MAGI2: variants seen among roughly 807,000 people sequenced by gnomAD.
The protein encoded by MAGI2 is membrane-associated guanylate kinase, WW and PDZ domain-containing protein 2.
MAGI2 carries 35 observed loss-of-function variants against 133.3 expected under a neutral mutation model. The ratio of observed to expected loss-of-function variants is 0.26; its 90% CI spans 0.20 to 0.35. The LOEUF (loss-of-function observed/expected upper bound fraction) is 0.35, where lower values mean the gene tolerates loss of function less well. Among genes scored for constraint, MAGI2 ranks in the 10% least tolerant of loss-of-function variants. MAGI2 has a pLI of 1.00. For synonymous variants in MAGI2, 729 were observed against 710.6 expected, an observed-to-expected ratio of 1.03 and a Z score of -0.41; for missense variants, 1,636 against 1,863.4, an observed-to-expected ratio of 0.88 and a Z score of 2.25.
At chr7:79,372,335 AG>A (rs149085128) in intron 1 of MAGI2, among the ~76,000 whole-genome samples, 3,227 of 152,264 alleles carry the variant, frequency 0.021, 98 homozygotes, top group African/African-American at 0.075. Context: ...AGGATTTCGC[AG>A]GAAGAGATGT....
At chr7:79,337,015 C>T (rs553274229) in intron 1 of MAGI2, among the ~76,000 whole-genome samples, 2 of 147,728 alleles carry the variant, frequency 1.4e-5, no homozygotes, top group East Asian at 3.9e-4. Context: ...AAAAAACTAA[C>T]TCTGTGAGAT....
At chr7:78,849,627 C>T (rs1792957479) in intron 2 of MAGI2, among the ~76,000 whole-genome samples, 1 of 152,008 alleles carries the variant, frequency 6.6e-6, no homozygotes, top group African/African-American at 2.4e-5. Context: ...AGTTTAAATG[C>T]TGCTGTGCAA....
intron 20 of MAGI2, 85 bp downstream of exon 20, chr7:78,125,609 G>T: frequency 7.0e-7 from 1 of 1,435,258 alleles, no homozygotes; most frequent in South Asian, 1.4e-5. Context: ...AACCCCGCTT[G>T]ACAGCATGCT....
Position 78,557,389 on chromosome 7 carries a change from C to G in MAGI2, c.539-35744G>C, listed in dbSNP as rs188786339. Reference sequence around the variant, plus strand: ...ACCTGGTACCATTTCCTGCTCATGACCTGGTGAGCTGAAATGCTAACAAAA... The same window carrying G: ...ACCTGGTACCATTTCCTGCTCATGAGCTGGTGAGCTGAAATGCTAACAAAA... On this transcript the variant is annotated intron_variant, in intron 3 of 21. Transcript: ENST00000354212. Among the ~76,000 whole-genome samples, 225 of 152,280 alleles carry G rather than the reference C, an allele frequency of 1.5e-3. 1 individual carries two copies. Among genetic ancestry groups the G allele is most frequent in the African/African-American group, 5.0e-3 (208 of 41,558 alleles).
chr7:78,215,143 G>A (rs1788141594), intron 10 of MAGI2, among the ~76,000 whole-genome samples: 1 of 152,170 alleles, frequency 6.6e-6, no homozygotes, highest in Admixed American at 6.5e-5. Context: ...AGCATAAAGC[G>A]AAGAATGGGG....
At chr7:78,640,098 C>T (rs10272995) in intron 2 of MAGI2, among the ~76,000 whole-genome samples, 4 of 152,146 alleles carry the variant, frequency 2.6e-5, no homozygotes, top group Admixed American at 2.6e-4. Context: ...GACTCAGTTT[C>T]TATTCAATTG....
At chr7:79,016,003 G>A (rs1375214116) in intron 1 of MAGI2, among the ~76,000 whole-genome samples, 16 of 111,940 alleles carry the variant, frequency 1.4e-4, no homozygotes, top group Non-Finnish European at 2.7e-4. Context: ...AGAAGCGGGG[G>A]GGGGGGGTGG....
chr7:79,196,112 A>G (rs1465788460), intron 1 of MAGI2, among the ~76,000 whole-genome samples: 1 of 151,960 alleles, frequency 6.6e-6, no homozygotes, highest in Non-Finnish European at 1.5e-5. Context: ...AATGATAGCT[A>G]TGTGAGGTAA....
At chr7:79,165,255 A>T (rs1167441093) in intron 1 of MAGI2, among the ~76,000 whole-genome samples, 1 of 151,718 alleles carries the variant, frequency 6.6e-6, no homozygotes. Context: ...AAATAGATTA[A>T]CATCTTTTAA....
At chr7:78,221,393 CAAATT>C (rs1788815478) in intron 10 of MAGI2, among the ~76,000 whole-genome samples, 1 of 152,130 alleles carries the variant, frequency 6.6e-6, no homozygotes, top group Non-Finnish European at 1.5e-5. Flanking sequence ...TTTATTGTCT[CAAATT>C]AACTTAGGTT....
intron 1 of MAGI2, among the ~76,000 whole-genome samples, chr7:79,442,242 A>G (rs376232864): frequency 6.6e-6 from 1 of 152,126 alleles, no homozygotes; most frequent in Non-Finnish European, 1.5e-5. Context: ...GTCTTCATGG[A>G]CTCTCATAAT....
chr7:78,472,086 T>C (rs1282752922), intron 6 of MAGI2, among the ~76,000 whole-genome samples: 2 of 152,142 alleles, frequency 1.3e-5, no homozygotes, highest in African/African-American at 2.4e-5. Context: ...TGTAGTCACA[T>C]GGCTGAGCAC....
intron 1 of MAGI2, among the ~76,000 whole-genome samples, chr7:79,236,746 A>C (rs1447789375): frequency 6.6e-6 from 1 of 152,264 alleles, no homozygotes; most frequent in Non-Finnish European, 1.5e-5. Flanking sequence ...TAGCAAAAAA[A>C]GAAAAACAAA....
At chr7:79,420,313 A>T (rs1265023136) in intron 1 of MAGI2, among the ~76,000 whole-genome samples, 2 of 152,060 alleles carry the variant, frequency 1.3e-5, no homozygotes, top group African/African-American at 4.8e-5. Flanking sequence ...GATATTGCTG[A>T]ACAAATATAA....
At chr7:78,090,393 C>A (rs1378357109) in intron 20 of MAGI2, among the ~76,000 whole-genome samples, 1 of 151,962 alleles carries the variant, frequency 6.6e-6, no homozygotes, top group Non-Finnish European at 1.5e-5. Context: ...GATGATAAAA[C>A]CTTGCAGTGG....
intron 4 of MAGI2, among the ~76,000 whole-genome samples, chr7:78,502,936 G>A (rs545433528): frequency 6.6e-6 from 1 of 152,294 alleles, no homozygotes; most frequent in East Asian, 1.9e-4. Context: ...ATAGTTCACT[G>A]AATCTGAGGC....
chr7:79,396,534 C>T (rs1845068133), intron 1 of MAGI2, among the ~76,000 whole-genome samples: 1 of 152,172 alleles, frequency 6.6e-6, no homozygotes, highest in African/African-American at 2.4e-5. Context: ...GAGAAAGATC[C>T]CTACTGAGAA....
chr7:78,052,379 C>T (rs149322561), intron 21 of MAGI2, among the ~76,000 whole-genome samples: 188 of 152,272 alleles, frequency 1.2e-3, no homozygotes, highest in African/African-American at 4.2e-3. Flanking sequence ...TCTCTCACCA[C>T]GTGACTGCTG....
intron 1 of MAGI2, chr7:79,411,068 A>T (rs1412062683): frequency 6.6e-6 from 1 of 152,114 alleles, no homozygotes; most frequent in African/African-American, 2.4e-5. Flanking sequence ...TCTATGCCTT[A>T]GAGAAATATT....
Sources: gnomAD v4.1 joint callset for allele counts (sites outside exome capture counted in the v4.1 genomes callset) on GRCh38, gnomAD v4.1.1 for gene constraint, MANE v1.5 for transcripts, NCBI Gene and HGNC (gene_info 2026-07-23, HGNC 2026-07-21) for gene names.